NBEA: variants seen among roughly 807,000 people sequenced by gnomAD.
NBEA encodes neurobeachin, also known as lysosomal-trafficking regulator 2.
NBEA carries 44 observed loss-of-function variants against 343.4 expected under a neutral mutation model. The ratio of observed to expected loss-of-function variants is 0.13; its 90% CI spans 0.10 to 0.16. NBEA has a LOEUF of 0.16. NBEA is among the 10% of genes least tolerant of loss of function. The pLI is 1.00. For synonymous variants in NBEA, 1,175 were observed against 1,238.7 expected, an observed-to-expected ratio of 0.95 and a Z score of 1.08; for missense variants, 2,555 against 3,631.3, an observed-to-expected ratio of 0.70 and a Z score of 7.62.
chr13:35,225,043 G>A (rs550579101), intron 33 of NBEA, among the ~76,000 whole-genome samples: 1 of 152,196 alleles, frequency 6.6e-6, no homozygotes, highest in African/African-American at 2.4e-5. Context: ...GTTTTTCAGA[G>A]TGTCTTACTC....
chr13:35,660,645 G>C (rs533336308), intron 55 of NBEA, among the ~76,000 whole-genome samples: 2 of 152,208 alleles, frequency 1.3e-5, no homozygotes, highest in African/African-American at 4.8e-5. Context: ...CCAAACATCT[G>C]CCAAATCACA....
intron 36 of NBEA, among the ~76,000 whole-genome samples, chr13:35,316,519 T>G (rs2037733593): frequency 6.6e-6 from 1 of 152,230 alleles, no homozygotes; most frequent in Admixed American, 6.5e-5. Flanking sequence ...TGATGGGCAT[T>G]TAGGTTAGTT....
intron 1 of NBEA, among the ~76,000 whole-genome samples, chr13:34,948,003 T>G (rs1000876608): frequency 1.3e-5 from 2 of 152,342 alleles, no homozygotes; most frequent in Non-Finnish European, 1.5e-5. Context: ...AACTTTTATG[T>G]ATAATCAAAT....
intron 10 of NBEA, among the ~76,000 whole-genome samples, chr13:35,071,768 AATT>A (rs2063883924): frequency 6.6e-6 from 1 of 152,106 alleles, no homozygotes; most frequent in African/African-American, 2.4e-5. Flanking sequence ...TTTTTCTCAT[AATT>A]ATTATCTAAA....
intron 36 of NBEA, among the ~76,000 whole-genome samples, chr13:35,321,759 C>T (rs377472786): frequency 2.6e-5 from 4 of 152,178 alleles, no homozygotes; most frequent in Admixed American, 2.6e-4. Context: ...AAGCTCCTGA[C>T]TGGGGCTGCT....
At chr13:34,964,740 G>A (rs1251210558) in intron 1 of NBEA, among the ~76,000 whole-genome samples, 1 of 151,984 alleles carries the variant, frequency 6.6e-6, no homozygotes, top group Admixed American at 6.6e-5. Context: ...AAGGAGCAGG[G>A]CTACAAAGGG....
intron 41 of NBEA, among the ~76,000 whole-genome samples, chr13:35,483,055 A>G (rs2076179993): frequency 6.6e-6 from 1 of 151,950 alleles, no homozygotes; most frequent in Non-Finnish European, 1.5e-5. Context: ...ATCAAAAAAC[A>G]CTGACACAGG....
chr13:35,537,344 G>A (rs151202433), intron 41 of NBEA, among the ~76,000 whole-genome samples: 182 of 151,896 alleles, frequency 1.2e-3, no homozygotes, highest in African/African-American at 4.3e-3. Context: ...TTAATCAGAA[G>A]AACAAAATCA....
At chr13:35,131,322 G>A (rs1170747638) in intron 17 of NBEA, among the ~76,000 whole-genome samples, 1 of 152,066 alleles carries the variant, frequency 6.6e-6, no homozygotes, top group African/African-American at 2.4e-5. Context: ...TCTCCCCTAT[G>A]AACATGAGTC....
intron 8 of NBEA, among the ~76,000 whole-genome samples, chr13:35,065,979 A>C (rs2063638248): frequency 2.0e-5 from 3 of 151,330 alleles, no homozygotes; most frequent in South Asian, 4.2e-4. Context: ...TTTTTTTTGG[A>C]AACAGGGTCT....
chr13:35,601,767 A>AT (rs2082059447), intron 47 of NBEA, among the ~76,000 whole-genome samples: 1 of 98,722 alleles, frequency 1.0e-5, no homozygotes, highest in Non-Finnish European at 1.9e-5. Flanking sequence ...ATCGCAAAAA[A>AT]AAAAAAAAAA....
At chr13:34,964,826 T>G (rs2059769678) in intron 1 of NBEA, among the ~76,000 whole-genome samples, 1 of 151,968 alleles carries the variant, frequency 6.6e-6, no homozygotes, top group African/African-American at 2.4e-5. Flanking sequence ...TGGATCAGGT[T>G]AACACTGGAG....
chr13:35,537,154 G>A (rs2078597070), intron 41 of NBEA, among the ~76,000 whole-genome samples: 1 of 151,932 alleles, frequency 6.6e-6, no homozygotes, highest in Admixed American at 6.6e-5. Flanking sequence ...TTTTGATCAG[G>A]CCTTCTGAAA....
chr13:35,574,201 C>T (rs2080594866), intron 45 of NBEA, among the ~76,000 whole-genome samples: 1 of 151,328 alleles, frequency 6.6e-6, no homozygotes, highest in Non-Finnish European at 1.5e-5. Context: ...TTTACCCTCA[C>T]AACGCTATGA....
intron 33 of NBEA, among the ~76,000 whole-genome samples, chr13:35,225,860 A>G (rs2074624854): frequency 6.6e-6 from 1 of 152,118 alleles, no homozygotes; most frequent in African/African-American, 2.4e-5. Flanking sequence ...TAACAAAGTT[A>G]TAATTCTTTA....
chr13:35,096,083 C>T (rs2065315752), intron 10 of NBEA, among the ~76,000 whole-genome samples: 1 of 151,690 alleles, frequency 6.6e-6, no homozygotes, highest in Non-Finnish European at 1.5e-5. Context: ...TGCAACAATC[C>T]GATGCATTTT....
At chr13:35,135,494 A>G (rs1264182519) in intron 17 of NBEA, among the ~76,000 whole-genome samples, 4 of 152,108 alleles carry the variant, frequency 2.6e-5, no homozygotes, top group African/African-American at 7.2e-5. Context: ...TGCTGTGTAC[A>G]TTAATGGGAA....
Position 35,119,628 on chromosome 13 carries a change from G to A in NBEA, c.2243+1154G>A, listed in dbSNP as rs533789323. Among the ~76,000 whole-genome samples, 184 of 152,084 alleles carry A rather than the reference G, an allele frequency of 1.2e-3. 1 individual carries two copies. The highest frequency in any genetic ancestry group is 4.9e-3 in the Admixed American group (75 of 15,288). On this transcript the variant is annotated intron_variant, in intron 16 of 58. Transcript: ENST00000379939. ...GAGTCTTGCTCTGTCGCCCAGGCTG[G>A]AGTGCAGTGTGCAGTGGCGCAATCT... is the stretch of plus-strand genomic sequence containing the variant.
intron 51 of NBEA, among the ~76,000 whole-genome samples, chr13:35,649,260 C>T (rs1240265812): frequency 3.3e-5 from 5 of 152,254 alleles, no homozygotes; most frequent in Middle Eastern, 3.4e-3. Context: ...CTTTATATTT[C>T]GTGTAAAAAA....
Sources: allele counts gnomAD v4.1 joint callset (sites outside exome capture counted in the v4.1 genomes callset), GRCh38; gene constraint gnomAD v4.1.1; transcripts MANE v1.5; gene names NCBI Gene and HGNC (gene_info 2026-07-23, HGNC 2026-07-21).